Variants in TUT4 observed in about 807,000 individuals in gnomAD.
TUT4 encodes the protein terminal uridylyltransferase 4.
TUT4 carries 36 observed loss-of-function variants against 192.2 expected under a neutral mutation model. The ratio of observed to expected loss-of-function variants is 0.19; its 90% confidence interval spans 0.14 to 0.25. The LOEUF (loss-of-function observed/expected upper bound fraction) is 0.25. TUT4 is among the 10% of genes least tolerant of loss of function. The pLI is 1.00. For missense variants in TUT4, 1,493 were observed against 1,957.2 expected (o/e 0.76, Z 4.47); for synonymous variants, 618 against 666.0 (o/e 0.93, Z 1.11).
chr1:52,497,197 G>T lies in TUT4; in HGVS notation c.1000-14C>A. 6.4e-7 allele frequency: 1 copy of T among 1,568,214 alleles called. No homozygotes were observed. The highest frequency in any genetic ancestry group is 2.1e-5 in the Admixed American group (1 of 47,200). ...TTCTTGTTTTTCCTATTAATGTAAT[G>T]ATTCACAACAATAAAAACAAAAAAA... is the stretch of plus-strand genomic sequence containing the variant. On this transcript the variant is annotated splice_polypyrimidine_tract_variant and intron_variant, in intron 4 of 29. Coordinates refer to ENST00000257177, the MANE Select transcript of TUT4 (RefSeq NM_001009881.3).
intron 29 of TUT4, chr1:52,424,949 G>A (rs1015592068): frequency 1.2e-4 from 19 of 156,386 alleles, no homozygotes; most frequent in African/African-American, 4.6e-4. Context: ...CTCAGTGACT[G>A]CATATATTAA....
At chr1:52,476,981 T>C (rs1667255077) in intron 12 of TUT4, among the ~76,000 whole-genome samples, 1 of 152,224 alleles carries the variant, frequency 6.6e-6, no homozygotes, top group Admixed American at 6.5e-5. Flanking sequence ...TGGGATCTGA[T>C]GTGAAACTTT....
rs75856678 is a variant in TUT4 at position 52,544,344 on chromosome 1, C to G, written c.-94+8587G>C. Among the ~76,000 whole-genome samples, 1,358 of 150,978 alleles carry G rather than the reference C, an allele frequency of 9.0e-3. 23 individuals carry two copies. Among genetic ancestry groups the G allele is most frequent in the African/African-American group, 0.031 (1,289 of 41,222 alleles). Reference sequence around the variant, plus strand: ...AGTATGGTATTAGTATAAATACATACAGACAGACCAATGGAATCAAACAGA... The same window carrying G: ...AGTATGGTATTAGTATAAATACATAGAGACAGACCAATGGAATCAAACAGA... On this transcript the variant is annotated intron_variant, in intron 1 of 29. Transcript: ENST00000257177.
chr1:52,499,809 C>T (rs562046654), intron 4 of TUT4, among the ~76,000 whole-genome samples: 89 of 151,820 alleles, frequency 5.9e-4, no homozygotes, highest in Non-Finnish European at 1.6e-4. Context: ...GGCGTGGTGG[C>T]TCATGCCTAC....
intron 3 of TUT4, chr1:52,514,728 C>T (rs1163240861): frequency 6.6e-6 from 1 of 151,284 alleles, no homozygotes; most frequent in East Asian, 1.9e-4. Context: ...TCCTTGTAAG[C>T]ATATTTACAA....
chr1:52,458,300 A>T (rs376965372), intron 20 of TUT4, 36 bp downstream of exon 20: 47 of 1,499,568 alleles, frequency 3.1e-5, no homozygotes, highest in Middle Eastern at 1.7e-4. Context: ...TATTGTTTTC[A>T]AAAAAAACTC....
At chr1:52,443,243 G>A (rs552126933) in intron 24 of TUT4, among the ~76,000 whole-genome samples, 15 of 144,232 alleles carry the variant, frequency 1.0e-4, no homozygotes, top group African/African-American at 2.3e-4. Context: ...AGATTGTGCC[G>A]TTGCACTCCA....
intron 9 of TUT4, among the ~76,000 whole-genome samples, chr1:52,487,353 G>A (rs756999296): frequency 3.3e-5 from 5 of 151,918 alleles, no homozygotes; most frequent in Admixed American, 2.0e-4. Flanking sequence ...CTGGAAGCCC[G>A]CGGCAGGAGG....
rs773561655 is a variant in TUT4, at chr1:52,445,771, TATA to T, written c.3822+13_3822+15del. On this transcript the variant is annotated intron_variant, in intron 24 of 29. Transcript: ENST00000257177. ...AAAAAAAGAAAAGATTCACAATTCA[TATA>T]ATGTAAACTTACAGCTTCTCTGCCA... The T allele has an allele frequency of 7.7e-6, 12 of 1,563,244 alleles. No homozygotes were observed. Among genetic ancestry groups the T allele is most frequent in the Non-Finnish European group, 9.6e-6 (11 of 1,147,116 alleles).
intron 20 of TUT4, among the ~76,000 whole-genome samples, chr1:52,449,209 A>G (rs1658573951): frequency 6.6e-6 from 1 of 152,196 alleles, no homozygotes; most frequent in Non-Finnish European, 1.5e-5. Flanking sequence ...GGATCACCAA[A>G]TAAGTCAATC....
chr1:52,551,214 A>G (rs1689340016), intron 1 of TUT4, among the ~76,000 whole-genome samples: 1 of 152,226 alleles, frequency 6.6e-6, no homozygotes, highest in African/African-American at 2.4e-5. Context: ...TGTACTAACA[A>G]CTTGGCCTAT....
At chr1:52,531,621 TTTAA>T (rs1683441089) in intron 1 of TUT4, among the ~76,000 whole-genome samples, 1 of 152,154 alleles carries the variant, frequency 6.6e-6, no homozygotes, top group African/African-American at 2.4e-5. Context: ...CTGAATTATT[TTTAA>T]TTGTTCACAC....
chr1:52,457,357 T>G (rs1448466073), intron 20 of TUT4, among the ~76,000 whole-genome samples: 1 of 151,994 alleles, frequency 6.6e-6, no homozygotes, highest in Admixed American at 6.6e-5. Context: ...TGCCTCAGTC[T>G]CCCGAGTAGC....
chr1:52,552,295 G>C, intron 1 of TUT4, among the ~76,000 whole-genome samples: 1 of 152,102 alleles, frequency 6.6e-6, no homozygotes. Context: ...CTAGGAGAGC[G>C]CTATCTGTTT....
intron 9 of TUT4, among the ~76,000 whole-genome samples, chr1:52,482,924 T>C (rs1308411495): frequency 6.6e-6 from 1 of 152,190 alleles, no homozygotes. Context: ...TAGGAATGTT[T>C]GTTAAATTAA....
intron 8 of TUT4, among the ~76,000 whole-genome samples, chr1:52,489,836 G>T (rs969027180): frequency 1.3e-5 from 2 of 152,106 alleles, no homozygotes; most frequent in South Asian, 2.1e-4. Context: ...GAACTAGATC[G>T]CCATAGACTC....
chr1:52,550,496 CTTTTTT>C (rs752817651), intron 1 of TUT4, among the ~76,000 whole-genome samples: 14 of 122,030 alleles, frequency 1.1e-4, no homozygotes, highest in African/African-American at 4.4e-4. Flanking sequence ...GTAAGTATTG[CTTTTTT>C]TTTTTTTTTT....
chr1:52,484,388 AAC>A (rs142809205), intron 9 of TUT4, among the ~76,000 whole-genome samples: 13,180 of 152,158 alleles, frequency 0.087, 717 homozygotes, highest in East Asian at 0.2. Flanking sequence ...AGATACAAAT[AAC>A]ACACAGTTTG....
At position 52,464,979 on chromosome 1, in the gene TUT4, C is replaced by A. The variant is rs958150437; in HGVS notation, c.3069+91G>T. On this transcript the variant is annotated intron_variant, in intron 16 of 29. Transcript: ENST00000257177. ...TAATATATTTATACAAAGAGTGATA[C>A]CACATTTTTATCAATATCACATACA... is the stretch of plus-strand genomic sequence containing the variant. 3.1e-6 allele frequency: 3 copies of A among 962,078 alleles called. No individual in the cohort carries two copies. In the African/African-American group the frequency reaches 5.1e-5, roughly 16 times the overall value. The allele number at this position is 962,078 out of a possible 1,614,324, so 59.6% of individuals were successfully genotyped here.
Sources: gnomAD v4.1 joint callset for allele counts (sites outside exome capture counted in the v4.1 genomes callset) on GRCh38, gnomAD v4.1.1 for gene constraint, MANE v1.5 for transcripts, NCBI Gene and HGNC (gene_info 2026-07-23, HGNC 2026-07-21) for gene names.